The following RIMS1 variants were observed in gnomAD, a reference collection of about 807,000 sequenced individuals.
The protein encoded by RIMS1 is regulating synaptic membrane exocytosis 1.
In RIMS1, 83 loss-of-function variants were observed where a neutral mutation model predicts 214.1. The ratio of observed to expected loss-of-function variants is 0.39; its 90% CI spans 0.32 to 0.47. The LOEUF is 0.47. Ranked by LOEUF, RIMS1 falls within the 20% of genes least tolerant of loss-of-function variation. RIMS1 has a pLI of 0.99. For missense variants in RIMS1, 2,050 were observed against 2,161.8 expected, an observed-to-expected ratio of 0.95 and a Z score of 1.03; for synonymous variants, 793 against 786.8, an observed-to-expected ratio of 1.01 and a Z score of -0.13.
At chr6:72,363,623 T>TA (rs2097897176) in intron 29 of RIMS1, among the ~76,000 whole-genome samples, 1 of 152,188 alleles carries the variant, frequency 6.6e-6, no homozygotes, top group African/African-American at 2.4e-5. Flanking sequence ...GACTCTTTTT[T>TA]AAAAAATATT....
intron 2 of RIMS1, among the ~76,000 whole-genome samples, chr6:72,051,182 T>C (rs1170501268): frequency 2.0e-5 from 3 of 152,190 alleles, no homozygotes; most frequent in Non-Finnish European, 4.4e-5. Flanking sequence ...GACTGCTTTG[T>C]CTTCTTTTGC....
intron 2 of RIMS1, among the ~76,000 whole-genome samples, chr6:72,096,282 C>T (rs969909887): frequency 6.6e-6 from 1 of 152,140 alleles, no homozygotes; most frequent in East Asian, 1.9e-4. Flanking sequence ...ATGTGAACTG[C>T]AAGAACTAGG....
intron 29 of RIMS1, among the ~76,000 whole-genome samples, chr6:72,342,845 T>A (rs902241867): frequency 6.6e-6 from 1 of 151,736 alleles, no homozygotes; most frequent in Non-Finnish European, 1.5e-5. Context: ...TTTTTTTCCT[T>A]GAGTATGACA....
intron 6 of RIMS1, among the ~76,000 whole-genome samples, chr6:72,197,479 A>T (rs552156579): frequency 6.6e-6 from 1 of 152,280 alleles, no homozygotes; most frequent in South Asian, 2.1e-4. Flanking sequence ...TCTAACCCAC[A>T]GGGAAATTTG....
At chr6:71,965,643 C>T in intron 1 of RIMS1, among the ~76,000 whole-genome samples, 1 of 152,166 alleles carries the variant, frequency 6.6e-6, no homozygotes, top group Non-Finnish European at 1.5e-5. Context: ...TCCCCTGAGG[C>T]GGTTGCAGAA....
At chr6:72,125,703 C>G (rs193057909) in intron 4 of RIMS1, among the ~76,000 whole-genome samples, 48 of 152,218 alleles carry the variant, frequency 3.2e-4, no homozygotes, top group Non-Finnish European at 6.5e-4. Context: ...GTGGATGCCC[C>G]TCCCCCAGCC....
chr6:72,291,973 A>G lies in RIMS1; in HGVS notation c.3777A>G (p.Ala1259=), dbSNP rs371867783. 1 of 1,564,722 alleles carries G rather than the reference A, an allele frequency of 6.4e-7. No individual in the cohort carries two copies. The highest frequency in any genetic ancestry group is 1.4e-5 in the African/African-American group (1 of 73,570). The part of the protein sequence containing the change: ...RQRSPTQSPP[A]DTSFSSRRGR... ...GAAGTCCAACACAATCTCCTCCAGC[A>G]GACACATCGTTCAGCAGTCGCAGGG... is the stretch of plus-strand genomic sequence containing the variant. Residue 1259 remains alanine, a synonymous_variant, in exon 26 of 34, where the codon GCA becomes GCG. Transcript: ENST00000521978.
intron 32 of RIMS1, 121 bp downstream of exon 32, chr6:72,398,471 AGT>A: frequency 1.6e-6 from 1 of 608,090 alleles, no homozygotes; most frequent in Non-Finnish European, 2.8e-6. Context: ...TTAAAAAAGC[AGT>A]GTTTCTGTGT....
At chr6:72,331,752 G>C (rs919626104) in intron 28 of RIMS1, among the ~76,000 whole-genome samples, 2 of 151,780 alleles carry the variant, frequency 1.3e-5, no homozygotes, top group Admixed American at 6.6e-5. Flanking sequence ...TACATAAAAT[G>C]CATAGCAAAA....
At chr6:71,915,666 A>T (rs905374192) in intron 1 of RIMS1, among the ~76,000 whole-genome samples, 1 of 152,160 alleles carries the variant, frequency 6.6e-6, no homozygotes, top group African/African-American at 2.4e-5. Context: ...GGATTACATG[A>T]GTTAGTATTT....
At chr6:71,981,194 A>G (rs772269554) in intron 2 of RIMS1, among the ~76,000 whole-genome samples, 4 of 152,144 alleles carry the variant, frequency 2.6e-5, no homozygotes, top group Admixed American at 6.6e-5. Flanking sequence ...AACTGCAATT[A>G]TATGCTGTTG....
chr6:71,953,049 C>T (rs1351132707), intron 1 of RIMS1, among the ~76,000 whole-genome samples: 2 of 150,766 alleles, frequency 1.3e-5, no homozygotes, highest in East Asian at 3.9e-4. Context: ...TGCATTGGTG[C>T]GATCTCGGCT....
chr6:72,103,903 T>C (rs1490512330), intron 4 of RIMS1, among the ~76,000 whole-genome samples: 1 of 152,182 alleles, frequency 6.6e-6, no homozygotes, highest in African/African-American at 2.4e-5. Flanking sequence ...TTATCAAACT[T>C]GTTTGATATC....
chr6:72,275,182 G>C (rs1056815371), intron 23 of RIMS1, among the ~76,000 whole-genome samples: 1 of 86,362 alleles, frequency 1.2e-5, no homozygotes, highest in Non-Finnish European at 2.3e-5. Flanking sequence ...ATATATATAT[G>C]CTTTATCTTT....
intron 24 of RIMS1, among the ~76,000 whole-genome samples, chr6:72,284,324 G>T (rs2091506339): frequency 6.6e-6 from 1 of 151,980 alleles, no homozygotes; most frequent in Non-Finnish European, 1.5e-5. Flanking sequence ...AAATCTTAGG[G>T]TTTAAAAAAT....
intron 15 of RIMS1, 69 bp downstream of exon 15, chr6:72,251,437 TCA>T: frequency 1.6e-6 from 2 of 1,220,224 alleles, no homozygotes; most frequent in Non-Finnish European, 2.2e-6. Flanking sequence ...GATTAATAAT[TCA>T]AGATGTTTTT....
intron 1 of RIMS1, among the ~76,000 whole-genome samples, chr6:71,915,487 A>T (rs933096017): frequency 2.0e-5 from 3 of 152,112 alleles, no homozygotes; most frequent in Non-Finnish European, 4.4e-5. Flanking sequence ...CACACCTGTG[A>T]ATCTTTTTCA....
rs2048574407 is a variant in RIMS1, at chr6:72,183,091, G to C, written c.1620G>C (p.Thr540=). The C allele has an allele frequency of 6.3e-7, 1 of 1,591,800 alleles. No homozygotes were observed. Residue 540 remains threonine, a synonymous_variant, in exon 6 of 34, where the codon ACG becomes ACC. Coordinates refer to ENST00000521978, the MANE Select transcript of RIMS1 (RefSeq NM_014989.7). The part of the protein sequence containing the change: ...VSSSEEEGVS[T]PEYTSCEDVE... Reference sequence around the variant, plus strand: ...GCTCTGAGGAGGAGGGCGTGTCGACGCCCGAGTACACCAGCTGCGAGGACG... The same window carrying C: ...GCTCTGAGGAGGAGGGCGTGTCGACCCCCGAGTACACCAGCTGCGAGGACG...
chr6:71,923,975 A>C (rs1296679420), intron 1 of RIMS1, among the ~76,000 whole-genome samples: 1 of 152,202 alleles, frequency 6.6e-6, no homozygotes, highest in East Asian at 1.9e-4. Flanking sequence ...GTAATTAGCT[A>C]ATCATGTTAT....
Sources: allele counts gnomAD v4.1 joint callset (sites outside exome capture counted in the v4.1 genomes callset), GRCh38; gene constraint gnomAD v4.1.1; transcripts MANE v1.5; gene names NCBI Gene and HGNC (gene_info 2026-07-23, HGNC 2026-07-21).